Variants in VPS13B observed in about 807,000 individuals in gnomAD.
VPS13B encodes the protein vacuolar protein sorting 13 homolog B.
A neutral mutation model predicts 426.4 loss-of-function variants in VPS13B; 285 were observed. That is an observed-to-expected ratio of 0.67 (90% CI 0.61 to 0.74). The LOEUF (loss-of-function observed/expected upper bound fraction) is 0.74, where lower values mean the gene tolerates loss of function less well. Ranked by LOEUF, VPS13B falls within the 30% of genes least tolerant of loss-of-function variation. The pLI, the probability that VPS13B is intolerant of heterozygous loss-of-function variation, is 0.00. For missense variants in VPS13B, 4,537 were observed against 4,782.6 expected (o/e 0.95, Z 1.51); for synonymous variants, 1,676 against 1,676.4 (o/e 1.00, Z 0.01).
At chr8:99,640,049 G>GAAGAAGAAGAGAAAAGAAGAGAAA (rs1299280170) in intron 33 of VPS13B, among the ~76,000 whole-genome samples, 6 of 99,716 alleles carry the variant, frequency 6.0e-5, no homozygotes, top group Admixed American at 1.1e-4. Context: ...AGAAGAAGAA[G>GAAGAAGAAGAGAAAAGAAGAGAAA]AGAAAAGAAA....
intron 33 of VPS13B, among the ~76,000 whole-genome samples, chr8:99,604,970 T>A (rs1588541841): frequency 6.6e-6 from 1 of 152,378 alleles, no homozygotes; most frequent in East Asian, 1.9e-4. Flanking sequence ...AAGATGTGTC[T>A]TTAACTCTCA....
At chr8:99,870,226 T>C (rs1010221412) in intron 59 of VPS13B, among the ~76,000 whole-genome samples, 5 of 152,166 alleles carry the variant, frequency 3.3e-5, no homozygotes, top group African/African-American at 1.2e-4. Flanking sequence ...TGACATTCAG[T>C]GACACAATCA....
At chr8:99,485,989 C>G (rs2133566688) in intron 25 of VPS13B, among the ~76,000 whole-genome samples, 1 of 152,084 alleles carries the variant, frequency 6.6e-6, no homozygotes, top group Middle Eastern at 3.4e-3. Flanking sequence ...TTCATTTTCT[C>G]ATGTGGTTTG....
intron 35 of VPS13B, among the ~76,000 whole-genome samples, chr8:99,669,475 A>T (rs1830618555): frequency 6.6e-6 from 1 of 152,194 alleles, no homozygotes; most frequent in South Asian, 2.1e-4. Context: ...ACATTGGGAA[A>T]ACATTCCCAA....
At chr8:99,540,040 TATATATATATATA>T (rs1823497908) in intron 30 of VPS13B, among the ~76,000 whole-genome samples, 1 of 4,608 alleles carries the variant, frequency 2.2e-4, no homozygotes, top group Non-Finnish European at 5.8e-4. Context: ...TATATATATA[TATATATATATATA>T]TATATATATA....
intron 13 of VPS13B, among the ~76,000 whole-genome samples, chr8:99,144,692 A>T (rs1029438470): frequency 3.9e-5 from 6 of 152,164 alleles, no homozygotes; most frequent in Non-Finnish European, 8.8e-5. Flanking sequence ...TTCATTTATT[A>T]TACCTTACTT....
intron 3 of VPS13B, among the ~76,000 whole-genome samples, 192 bp from the exon 4 acceptor site, chr8:99,096,120 T>C (rs1299258054): frequency 6.6e-6 from 1 of 152,184 alleles, no homozygotes; most frequent in African/African-American, 2.4e-5. Context: ...CTATGAGTTA[T>C]TAATATTTTT....
intron 25 of VPS13B, among the ~76,000 whole-genome samples, chr8:99,489,029 A>G (rs1244685869): frequency 2.0e-5 from 3 of 152,196 alleles, no homozygotes; most frequent in Non-Finnish European, 4.4e-5. Context: ...CTTACATTTA[A>G]GTCTTTAATC....
chr8:99,778,989 T>A lies in VPS13B; in HGVS notation c.7737T>A (p.His2579Gln), dbSNP rs147593451. 2.5e-6 allele frequency: 4 copies of A among 1,613,714 alleles called. No homozygotes were observed. Among genetic ancestry groups the A allele is most frequent in the Non-Finnish European group, 3.4e-6 (4 of 1,179,852 alleles). The change falls in exon 42 of 62, where the codon CAT becomes CAA. Residue 2579 changes from histidine (H) to glutamine (Q), a missense_variant. His to Gln is a conservative substitution (Grantham distance 24). Coordinates refer to ENST00000357162, the MANE Select transcript of VPS13B (RefSeq NM_152564.5). ...VDSVFVNLGQHVVHSLNTAIQ... is the reference protein window; with the variant it reads ...VDSVFVNLGQQVVHSLNTAIQ... ...CTGTATTTGTAAACCTTGGACAGCA[T>A]GTAGTCCATTCACTAAACACTGCAA...
chr8:99,576,979 C>T (rs953002813), intron 32 of VPS13B, among the ~76,000 whole-genome samples: 8 of 152,156 alleles, frequency 5.3e-5, no homozygotes, highest in African/African-American at 1.9e-4. Context: ...TAATTGCCTG[C>T]CTAAAATTGT....
intron 58 of VPS13B, among the ~76,000 whole-genome samples, chr8:99,867,290 C>G (rs1447023264): frequency 6.6e-6 from 1 of 152,212 alleles, no homozygotes; most frequent in Non-Finnish European, 1.5e-5. Flanking sequence ...CTAGCTCTCA[C>G]TGTTGGCCTC....
At chr8:99,234,707 G>A (rs1290976959) in intron 17 of VPS13B, among the ~76,000 whole-genome samples, 1 of 152,192 alleles carries the variant, frequency 6.6e-6, no homozygotes, top group Non-Finnish European at 1.5e-5. Context: ...AATGGAGGTT[G>A]CATTATATCC....
chr8:99,653,038 G>A (rs528388826), intron 34 of VPS13B, among the ~76,000 whole-genome samples: 21 of 152,228 alleles, frequency 1.4e-4, no homozygotes, highest in Middle Eastern at 3.4e-3. Context: ...TTGACTTTTA[G>A]CCTTGGTTCT....
At chr8:99,536,886 G>C (rs775173592) in intron 30 of VPS13B, 1 of 463,596 alleles carries the variant, frequency 2.2e-6, no homozygotes. Context: ...CCAAAAACTA[G>C]GGAAAAAAAG....
intron 4 of VPS13B, among the ~76,000 whole-genome samples, chr8:99,098,343 T>C (rs959388752): frequency 1.3e-5 from 2 of 151,944 alleles, no homozygotes; most frequent in Admixed American, 6.6e-5. Context: ...TTTCTTCCTT[T>C]ACACACACAC....
intron 23 of VPS13B, among the ~76,000 whole-genome samples, chr8:99,458,787 T>C (rs1226740374): frequency 6.6e-6 from 1 of 152,194 alleles, no homozygotes; most frequent in Non-Finnish European, 1.5e-5. Context: ...TATTGTAAAT[T>C]TGTTTGAGTT....
intron 12 of VPS13B, among the ~76,000 whole-genome samples, chr8:99,137,840 T>C (rs1810160989): frequency 6.6e-6 from 1 of 152,218 alleles, no homozygotes; most frequent in African/African-American, 2.4e-5. Flanking sequence ...AATGCATACT[T>C]GACGTTTTTG....
At chr8:99,486,078 C>T in intron 25 of VPS13B, among the ~76,000 whole-genome samples, 1 of 152,034 alleles carries the variant, frequency 6.6e-6, no homozygotes, top group Admixed American at 6.6e-5. Flanking sequence ...GCAGAATTGT[C>T]CCTACAGAGC....
intron 61 of VPS13B, among the ~76,000 whole-genome samples, chr8:99,874,125 TTA>T (rs1817572634): frequency 6.6e-6 from 1 of 152,242 alleles, no homozygotes; most frequent in Non-Finnish European, 1.5e-5. Context: ...TTGAAATCCC[TTA>T]TGAGTGGCTC....
Sources: gnomAD v4.1 joint callset for allele counts (sites outside exome capture counted in the v4.1 genomes callset) on GRCh38, gnomAD v4.1.1 for gene constraint, MANE v1.5 for transcripts, NCBI Gene and HGNC (gene_info 2026-07-23, HGNC 2026-07-21) for gene names.